Variants in RBM46 observed in about 807,000 individuals in gnomAD.
RBM46 encodes the protein probable RNA-binding protein 46.
RBM46 carries 12 observed loss-of-function variants against 43.3 expected under a neutral mutation model. That is an observed-to-expected ratio of 0.28 (90% CI 0.18 to 0.45). The LOEUF (loss-of-function observed/expected upper bound fraction) is 0.45, where lower values mean the gene tolerates loss of function less well. RBM46 is among the 20% of genes least tolerant of loss of function. The pLI is 1.00. For missense variants in RBM46, 412 were observed against 639.1 expected (o/e 0.64, Z 3.83); for synonymous variants, 205 against 207.6 (o/e 0.99, Z 0.11).
intron 4 of RBM46, among the ~76,000 whole-genome samples, chr4:154,819,807 A>G (rs1735642336): frequency 6.6e-6 from 1 of 152,168 alleles, no homozygotes; most frequent in Non-Finnish European, 1.5e-5. Flanking sequence ...CCACTAAAAT[A>G]GATGGATGCC....
At chr4:154,797,380 A>G (rs1187102855) in intron 2 of RBM46, among the ~76,000 whole-genome samples, 1 of 152,206 alleles carries the variant, frequency 6.6e-6, no homozygotes, top group Non-Finnish European at 1.5e-5. Context: ...GGGTACCTCA[A>G]TGGCTGTAGC....
At chr4:154,808,842 G>A (rs1399188471) in intron 4 of RBM46, among the ~76,000 whole-genome samples, 5 of 151,876 alleles carry the variant, frequency 3.3e-5, no homozygotes, top group Non-Finnish European at 7.4e-5. Flanking sequence ...GGGATTCCTT[G>A]GTGTGAACTT....
At chr4:154,802,601 C>T (rs1037064828) in intron 4 of RBM46, among the ~76,000 whole-genome samples, 9 of 152,132 alleles carry the variant, frequency 5.9e-5, no homozygotes, top group South Asian at 2.1e-4. Flanking sequence ...TAAATACTTA[C>T]GTAGTCCAAG....
chr4:154,787,954 A>G (rs1451575685), intron 1 of RBM46, among the ~76,000 whole-genome samples: 1 of 151,988 alleles, frequency 6.6e-6, no homozygotes. Context: ...GCATTTTTTC[A>G]TGTGTCTGTT....
chr4:154,824,947 A>G (rs1286262025), intron 4 of RBM46, among the ~76,000 whole-genome samples: 3 of 152,268 alleles, frequency 2.0e-5, no homozygotes, highest in Non-Finnish European at 2.9e-5. Flanking sequence ...TCTTGTTTTG[A>G]GTATCAATTA....
At chr4:154,805,264 A>C (rs571099562) in intron 4 of RBM46, among the ~76,000 whole-genome samples, 23 of 152,248 alleles carry the variant, frequency 1.5e-4, no homozygotes, top group Non-Finnish European at 2.6e-4. Flanking sequence ...ACTATGTTGG[A>C]TATATCTGCT....
intron 4 of RBM46, among the ~76,000 whole-genome samples, chr4:154,824,666 G>A (rs1478503155): frequency 1.3e-5 from 2 of 151,880 alleles, no homozygotes; most frequent in African/African-American, 4.8e-5. Context: ...GATTCTCTTT[G>A]TGAATGGAAA....
intron 4 of RBM46, chr4:154,827,438 G>C: frequency 2.0e-6 from 2 of 995,208 alleles, no homozygotes; most frequent in Non-Finnish European, 2.4e-6. Flanking sequence ...GAATGTTTCT[G>C]CTGGTTTGAT....
chr4:154,798,173 A>G lies in RBM46; in HGVS notation c.514A>G (p.Ile172Val). Reference protein sequence around the residue: ...KKVTEGVVDVIVYPSATDKTK... With the variant: ...KKVTEGVVDVVVYPSATDKTK... Reference sequence around the variant, plus strand: ...AGTTACAGAAGGAGTTGTAGATGTCATTGTTTATCCAAGTGCAACTGATAA... The same window carrying G: ...AGTTACAGAAGGAGTTGTAGATGTCGTTGTTTATCCAAGTGCAACTGATAA... The change falls in exon 3 of 5, where the codon ATT (isoleucine) becomes GTT (valine). Residue 172 changes from isoleucine to valine, a missense_variant. By Grantham distance (29) the Ile-to-Val change is conservative. Around this residue, in one of 8 missense-constraint regions of RBM46, gnomAD observed 48 missense variants for 78.9 expected, o/e 0.61. Transcript: ENST00000281722. The G allele has an allele frequency of 6.2e-7, 1 of 1,613,726 alleles. No individual in the cohort carries two copies. The highest frequency in any genetic ancestry group is 8.5e-7 in the Non-Finnish European group (1 of 1,179,750).
intron 4 of RBM46, among the ~76,000 whole-genome samples, chr4:154,809,781 C>T (rs1211479177): frequency 6.6e-6 from 1 of 152,094 alleles, no homozygotes; most frequent in Non-Finnish European, 1.5e-5. Flanking sequence ...AGGTTGTTCA[C>T]TTTCATTCCT....
chr4:154,791,981 T>A (rs1287466018), intron 1 of RBM46, among the ~76,000 whole-genome samples: 1 of 152,128 alleles, frequency 6.6e-6, no homozygotes, highest in Admixed American at 6.5e-5. Flanking sequence ...CTAAAAAAAA[T>A]TGTGAAAAAA....
At chr4:154,785,505 T>C (rs1733716090) in intron 1 of RBM46, among the ~76,000 whole-genome samples, 2 of 152,302 alleles carry the variant, frequency 1.3e-5, no homozygotes, top group East Asian at 3.9e-4. Flanking sequence ...GTAGCATATG[T>C]AAGGTACCAT....
chr4:154,783,621 A>G (rs1733614616), intron 1 of RBM46, among the ~76,000 whole-genome samples: 1 of 152,248 alleles, frequency 6.6e-6, no homozygotes, highest in South Asian at 2.1e-4. Flanking sequence ...TAATTTGGAC[A>G]AGAATATGTA....
At chr4:154,816,162 AAAT>A (rs1176806637) in intron 4 of RBM46, among the ~76,000 whole-genome samples, 1 of 152,118 alleles carries the variant, frequency 6.6e-6, no homozygotes, top group Non-Finnish European at 1.5e-5. Flanking sequence ...TATATTTTGT[AAAT>A]AATATTTTCT....
At chr4:154,809,482 A>C (rs1379647931) in intron 4 of RBM46, among the ~76,000 whole-genome samples, 1 of 152,160 alleles carries the variant, frequency 6.6e-6, no homozygotes. Context: ...TCAACTCCCA[A>C]GTATTTAGAT....
At chr4:154,812,687 C>G (rs1735238401) in intron 4 of RBM46, among the ~76,000 whole-genome samples, 1 of 152,198 alleles carries the variant, frequency 6.6e-6, no homozygotes, top group Non-Finnish European at 1.5e-5. Context: ...AGGAACCTAT[C>G]ATGGCTTGCT....
chr4:154,791,498 A>C (rs1324693353), intron 1 of RBM46, among the ~76,000 whole-genome samples: 1 of 152,170 alleles, frequency 6.6e-6, no homozygotes, highest in Non-Finnish European at 1.5e-5. Flanking sequence ...TGTATAAAAA[A>C]TTAGCTGGAT....
At chr4:154,805,008 A>G (rs560609122) in intron 4 of RBM46, among the ~76,000 whole-genome samples, 79 of 152,100 alleles carry the variant, frequency 5.2e-4, no homozygotes, top group South Asian at 8.3e-4. Context: ...GGAAAAAGGT[A>G]TGCTTCCCTG....
chr4:154,825,337 C>T (rs1181469858), intron 4 of RBM46, among the ~76,000 whole-genome samples: 2 of 152,076 alleles, frequency 1.3e-5, no homozygotes, highest in African/African-American at 2.4e-5. Flanking sequence ...CATGATTGTA[C>T]TTTTAGGTTC....
Sources: gnomAD v4.1 joint callset for allele counts (sites outside exome capture counted in the v4.1 genomes callset) on GRCh38, gnomAD v4.1.1 for gene constraint, gnomAD v4.1.1 regional missense constraint, MANE v1.5 for transcripts, NCBI Gene and HGNC (gene_info 2026-07-23, HGNC 2026-07-21) for gene names.